Variants in SRP19 observed in about 807,000 individuals in gnomAD.
SRP19 encodes the protein signal recognition particle 19 kDa protein.
Under a neutral mutation model 22.4 loss-of-function variants are expected in SRP19, and 11 were observed. The ratio of observed to expected loss-of-function variants is 0.49; its 90% CI spans 0.31 to 0.81. The LOEUF (loss-of-function observed/expected upper bound fraction) is 0.81. Ranked by LOEUF, SRP19 falls within the 40% of genes least tolerant of loss-of-function variation. SRP19 has a pLI of 0.05. For synonymous variants in SRP19, 61 were observed against 57.6 expected (o/e 1.06, Z -0.27); for missense variants, 168 against 175.9 (o/e 0.96, Z 0.25).
At chr5:112,874,180 C>A (rs1767844718), downstream of SRP19, among the ~76,000 whole-genome samples, 1 of 151,712 alleles carries the variant, frequency 6.6e-6, no homozygotes, top group African/African-American at 2.4e-5. Context: ...AACAAAAAAC[C>A]ACAAAAGTTC....
At chr5:112,862,446 C>T (rs1767438394) in intron 1 of SRP19, 62 bp from the exon 2 acceptor site, 7 of 1,481,320 alleles carry the variant, frequency 4.7e-6, no homozygotes, top group East Asian at 2.3e-5. Context: ...CCCTGCCACC[C>T]GACCCTTTTC....
chr5:112,883,454 C>A (rs1351356537), intron 4 of SRP19, among the ~76,000 whole-genome samples: 3 of 152,168 alleles, frequency 2.0e-5, no homozygotes, highest in South Asian at 4.1e-4. Context: ...GGATACCACA[C>A]GCTCATGGTT....
rs374026058 is a variant in SRP19 at position 112,865,834 on chromosome 5, C to T, written c.301+1102C>T. On this transcript the variant is annotated intron_variant, in intron 4 of 4. Coordinates refer to ENST00000505459, the MANE Select transcript of SRP19 (RefSeq NM_003135.3). ...GTCTCGATCTCTTGACCTCGTGATC[C>T]ACCCACCTCGGCCTCCCAAAGTGCT... is the stretch of plus-strand genomic sequence containing the variant. Among the ~76,000 whole-genome samples, 45 of 152,302 alleles carry T rather than the reference C, an allele frequency of 3.0e-4. No individual in the cohort carries two copies. The South Asian group carries it at 9.3e-3, about 32-fold the overall frequency.
intron 2 of SRP19, among the ~76,000 whole-genome samples, chr5:112,863,991 G>A (rs1329950176): frequency 6.6e-6 from 1 of 152,184 alleles, no homozygotes; most frequent in African/African-American, 2.4e-5. Flanking sequence ...ATAGTTTGAG[G>A]CTATTATAAA....
Position 112,864,839 on chromosome 5 carries a change from G to A in SRP19, c.301+107G>A. 4 of 828,556 alleles carry A rather than the reference G, an allele frequency of 4.8e-6. No individual in the cohort carries two copies. In the South Asian group the frequency reaches 7.7e-5, roughly 16 times the overall value. The allele number at this position is 828,556 out of a possible 1,614,324, so 51.3% of individuals were successfully genotyped here. On this transcript the variant is annotated intron_variant, in intron 4 of 4. Coordinates refer to ENST00000505459, the MANE Select transcript of SRP19 (RefSeq NM_003135.3). ...TAAAAGTCAGAATTTGCATTCTGAAGATTAATTTAAAGACAGGACTACTGC... is the reference window on the plus strand; with the variant it reads ...TAAAAGTCAGAATTTGCATTCTGAAAATTAATTTAAAGACAGGACTACTGC...
chr5:112,866,239 T>C (rs442507), intron 4 of SRP19, among the ~76,000 whole-genome samples: 96,905 of 151,002 alleles, frequency 0.64, 31,341 homozygotes, highest in East Asian at 0.82. Context: ...GCCTCAGCCG[T>C]CTGAGTAGCT....
At position 112,891,841 on chromosome 5, in the gene SRP19, C is replaced by CT. The variant is rs1427682788; in HGVS notation, c.*235dup. ...AGAACAACAACTAGAAGAAGAGAAGCTATTGGAAAGAGAGAGGGAAAGATT... is the reference window on the plus strand; with the variant it reads ...AGAACAACAACTAGAAGAAGAGAAGCTTATTGGAAAGAGAGAGGGAAAGATT... On this transcript the variant is annotated 3_prime_UTR_variant, in exon 5 of 5. Coordinates refer to the SRP19 transcript ENST00000391338. The CT allele has an allele frequency of 2.6e-6, 4 of 1,556,240 alleles. No individual in the cohort carries two copies. In the Admixed American group the frequency reaches 5.0e-5, roughly 19 times the overall value.
At position 112,875,329 on chromosome 5, in the gene SRP19, G is replaced by A. The variant is rs139851357; in HGVS notation, c.301+10597G>A. Among the ~76,000 whole-genome samples the A allele has an allele frequency of 1.4e-3, 206 of 152,004 alleles. 5 individuals carry two copies. In the East Asian group the frequency reaches 0.028, roughly 21 times the overall value. ...AAAAGCAGATGTAGGTGACCGTGCG[G>A]ACCAGCGCATACCTTCAGAAGTACG... is the stretch of plus-strand genomic sequence containing the variant. On this transcript the variant is annotated intron_variant, in intron 4 of 4. Transcript: ENST00000391338.
In SRP19 at chr5:112,867,812, G is replaced by A; in HGVS notation, c.*275G>A. On this transcript the variant is annotated 3_prime_UTR_variant, in exon 5 of 5. Coordinates refer to ENST00000505459, the MANE Select transcript of SRP19 (RefSeq NM_003135.3). ...AAATGGACAATGGACTGTACAATAAGTTACTTGAAATAAGTTGTTTCAGAT... is the reference window on the plus strand; with the variant it reads ...AAATGGACAATGGACTGTACAATAAATTACTTGAAATAAGTTGTTTCAGAT... 9.0e-7 allele frequency: 1 copy of A among 1,107,672 alleles called. No individual in the cohort carries two copies. Among genetic ancestry groups the A allele is most frequent in the Non-Finnish European group, 1.1e-6 (1 of 909,196 alleles). The allele number at this position is 1,107,672 out of a possible 1,614,324, so 68.6% of individuals were successfully genotyped here.
chr5:112,873,313 T>TTTTCC, downstream of SRP19, among the ~76,000 whole-genome samples: 1 of 145,538 alleles, frequency 6.9e-6, no homozygotes, highest in South Asian at 2.2e-4. Flanking sequence ...TTATTTAGAT[T>TTTTCC]TGCTCAGCTT....
exon 5 of SRP19, chr5:112,892,457 G>T (rs753974551): frequency 2.5e-6 from 4 of 1,614,168 alleles, no homozygotes; most frequent in Non-Finnish European, 3.4e-6. Flanking sequence ...CACCTGAGGG[G>T]CAATGTATAT....
At chr5:112,873,284 T>TC (rs1001891165), downstream of SRP19, among the ~76,000 whole-genome samples, 2 of 145,784 alleles carry the variant, frequency 1.4e-5, no homozygotes, top group African/African-American at 5.0e-5. Flanking sequence ...TTTTTTTTTT[T>TC]TTTTTTTCTT....
Position 112,862,564 on chromosome 5 carries a change from G to T in SRP19, c.98G>T (p.Arg33Met). 6.2e-7 allele frequency: 1 copy of T among 1,613,854 alleles called. No individual in the cohort carries two copies. The highest frequency in any genetic ancestry group is 8.5e-7 in the Non-Finnish European group (1 of 1,179,940). ...LNNKKTIAEG[R>M]RIPISKAVEN... The stretch of plus-strand genomic sequence containing the variant: ...AATAAGAAGACCATCGCAGAGGGAA[G>T]GCGAATCCCCATAAGTAAGGTAAGC... Residue 33 changes from arginine (R) to methionine (M), a missense_variant, in exon 2 of 5, where the codon AGG becomes ATG. By Grantham distance (91) the Arg-to-Met change is moderately conservative. Transcript: ENST00000505459.
intron 4 of SRP19, chr5:112,886,983 A>C (rs1580732275): frequency 6.6e-7 from 1 of 1,521,856 alleles, no homozygotes; most frequent in East Asian, 2.3e-5. Context: ...ATCTCCTCTC[A>C]CATGTGGGGC....
In SRP19 at chr5:112,864,542, C is replaced by A; in HGVS notation, c.189+14C>A. On this transcript the variant is annotated intron_variant, in intron 3 of 4. Coordinates refer to ENST00000505459, the MANE Select transcript of SRP19 (RefSeq NM_003135.3). Reference sequence around the variant, plus strand: ...GTATTTCTTGAGGTATGACGTGGTTCTTCACTATTTTCCATACTCATCTAA... The same window carrying A: ...GTATTTCTTGAGGTATGACGTGGTTATTCACTATTTTCCATACTCATCTAA... The A allele has an allele frequency of 6.2e-7, 1 of 1,613,478 alleles. No individual in the cohort carries two copies. Among genetic ancestry groups the A allele is most frequent in the Non-Finnish European group, 8.5e-7 (1 of 1,179,460 alleles).
chr5:112,863,512 C>T (rs1767483189), intron 2 of SRP19, among the ~76,000 whole-genome samples: 1 of 152,112 alleles, frequency 6.6e-6, no homozygotes, highest in South Asian at 2.1e-4. Flanking sequence ...CTAGTTGTGA[C>T]AATCAAAAAT....
chr5:112,864,487 C>A lies in SRP19; in HGVS notation c.148C>A (p.Gln50Lys). 1 of 1,613,814 alleles carries A rather than the reference C, an allele frequency of 6.2e-7. No homozygotes were observed. Among genetic ancestry groups the A allele is most frequent in the Non-Finnish European group, 8.5e-7 (1 of 1,179,962 alleles). The change falls in exon 3 of 5, where the codon CAA becomes AAA. Residue 50 changes from glutamine to lysine, a missense_variant. Transcript: ENST00000505459. ...AVENPTATEIQDVCSAVGLNV... is the reference protein window; with the variant it reads ...AVENPTATEIKDVCSAVGLNV... ...TGAAAATCCTACAGCTACAGAGATT[C>A]AAGATGTATGTTCAGCAGTTGGACT...
chr5:112,884,236 C>T (rs942919963), intron 4 of SRP19, among the ~76,000 whole-genome samples: 2 of 152,132 alleles, frequency 1.3e-5, no homozygotes, highest in African/African-American at 4.8e-5. Context: ...TTATGTGATA[C>T]GTCTTCCAGC....
In SRP19 at chr5:112,867,692, A is replaced by C; in HGVS notation, c.*155A>C. On this transcript the variant is annotated 3_prime_UTR_variant, in exon 5 of 5. Coordinates refer to ENST00000505459, the MANE Select transcript of SRP19 (RefSeq NM_003135.3). ...ATCTTTATCATCGGAGTTGACAGTGAAACAAATTTACATCAGAAGTTTGCA... is the reference window on the plus strand; with the variant it reads ...ATCTTTATCATCGGAGTTGACAGTGCAACAAATTTACATCAGAAGTTTGCA... 1 of 1,354,918 alleles carries C rather than the reference A, an allele frequency of 7.4e-7. No individual in the cohort carries two copies. Among genetic ancestry groups the C allele is most frequent in the Non-Finnish European group, 9.5e-7 (1 of 1,050,112 alleles). 83.9% of individuals were successfully genotyped at this position (1,354,918 alleles called of 1,614,324 possible). A position where few individuals can be genotyped will look rare whatever the true frequency, so the allele number is the denominator to read the frequency against.
Sources: allele counts gnomAD v4.1 joint callset (sites outside exome capture counted in the v4.1 genomes callset), GRCh38; gene constraint gnomAD v4.1.1; transcripts MANE v1.5; gene names NCBI Gene and HGNC (gene_info 2026-07-23, HGNC 2026-07-21).